EPHA2: variants seen among roughly 807,000 people sequenced by gnomAD.
EPHA2 encodes ephrin type-A receptor 2.
A neutral mutation model predicts 104.9 loss-of-function variants in EPHA2; 54 were observed. The ratio of observed to expected loss-of-function variants is 0.51; its 90% CI spans 0.41 to 0.65. EPHA2 has a LOEUF of 0.65. Among genes scored for constraint, EPHA2 ranks in the 30% least tolerant of loss-of-function variants. The probability of loss-of-function intolerance (pLI) is 0.00; values close to 1 mark genes in which losing one functional copy is unlikely to be tolerated. For synonymous variants in EPHA2, 560 were observed against 559.1 expected (o/e 1.00, Z -0.02); for missense variants, 1,117 against 1,369.5 (o/e 0.82, Z 2.91).
intron 1 of EPHA2, among the ~76,000 whole-genome samples, chr1:16,151,799 G>A (rs1012373714): frequency 6.6e-6 from 1 of 152,180 alleles, no homozygotes; most frequent in African/African-American, 2.4e-5. Flanking sequence ...CCCTTGTAGG[G>A]GACATTCTAG....
chr1:16,143,541 G>T (rs955235221), intron 3 of EPHA2, among the ~76,000 whole-genome samples: 12 of 152,092 alleles, frequency 7.9e-5, no homozygotes, highest in Non-Finnish European at 1.8e-4. Flanking sequence ...CTATACCCTG[G>T]TTTTTCCAGT....
rs763716873 is a variant in EPHA2, at chr1:16,129,453, C to T, written c.2806G>A (p.Val936Met). 3 of 1,613,624 alleles carry T rather than the reference C, an allele frequency of 1.9e-6. No homozygotes were observed. The highest frequency in any genetic ancestry group is 2.2e-5 in the South Asian group (2 of 91,078). The change falls in exon 16 of 17, where the codon GTG becomes ATG. Residue 936 changes from valine to methionine, a missense_variant. This residue lies in a region of EPHA2 where 340 missense variants were observed against 480.5 expected (regional missense o/e 0.71). Transcript: ENST00000358432. ...MAAGYTAIEKVVQMTNDDIKR... is the reference protein window; with the variant it reads ...MAAGYTAIEKMVQMTNDDIKR... ...ACTTACTCGTTGGTCATCTGCACCA[C>T]CTTCTCGATGGCAGTGTAGCCGGCC... is the stretch of plus-strand genomic sequence containing the variant.
chr1:16,154,192 G>A (rs531691012), intron 1 of EPHA2, among the ~76,000 whole-genome samples: 1 of 152,204 alleles, frequency 6.6e-6, no homozygotes, highest in South Asian at 2.1e-4. Flanking sequence ...GATTCCAGCT[G>A]TCTCTCCCCT....
intron 3 of EPHA2, among the ~76,000 whole-genome samples, chr1:16,142,109 A>G (rs1489682392): frequency 6.6e-6 from 1 of 152,188 alleles, no homozygotes; most frequent in Non-Finnish European, 1.5e-5. Context: ...ACTGTTCCTT[A>G]GCCAACCAGC....
At position 16,138,163 on chromosome 1, in the gene EPHA2, G is replaced by A. The variant is rs2124227830; in HGVS notation, c.1002C>T (p.Tyr334=). ...PCTRPPSAPH[Y]LTAVGMGAKV... ...TGGCACCCATGCCCACGGCTGTGAG[G>A]TAGTGTGGGGCGGAGGGGGGTCCTG... The change falls in exon 5 of 17, where the codon TAC becomes TAT. Residue 334 remains tyrosine (Y), a synonymous_variant. Transcript: ENST00000358432. 2 of 1,609,338 alleles carry A rather than the reference G, an allele frequency of 1.2e-6. No homozygotes were observed. The highest frequency in any genetic ancestry group is 1.7e-6 in the Non-Finnish European group (2 of 1,179,930).
Position 16,133,211 on chromosome 1 carries a change from G to A in EPHA2, c.2022C>T (p.Asn674=), listed in dbSNP as rs752594090. Residue 674 remains asparagine, a synonymous_variant, in exon 11 of 17, where the codon AAC becomes AAT. Coordinates refer to ENST00000358432, the MANE Select transcript of EPHA2 (RefSeq NM_004431.5). Reference sequence around the variant, plus strand: ...AGATGACGCCCTCTAGGCGGATGATGTTGTGGTGGCTGAACTGGCCCATGA... The same window carrying A: ...AGATGACGCCCTCTAGGCGGATGATATTGTGGTGGCTGAACTGGCCCATGA... ...AGIMGQFSHH[N]IIRLEGVISK... is the part of the protein sequence containing the mutation. 1.7e-5 allele frequency: 28 copies of A among 1,613,672 alleles called. No homozygotes were observed. The highest frequency in any genetic ancestry group is 2.3e-5 in the Non-Finnish European group (27 of 1,179,908).
rs775244495 is a variant in EPHA2 at position 16,150,909 on chromosome 1, G to A, written c.140C>T (p.Pro47Leu). 41 of 1,613,940 alleles carry A rather than the reference G, an allele frequency of 2.5e-5. No individual in the cohort carries two copies. The highest frequency in any genetic ancestry group is 3.2e-5 in the Non-Finnish European group (38 of 1,180,018). Residue 47 changes from proline (P) to leucine (L), a missense_variant, in exon 2 of 17, where the codon CCG (proline) becomes CTG (leucine). By Grantham distance (98) the Pro-to-Leu change is moderately conservative. Transcript: ENST00000358432. This position sits in a 1 kb window ranked among gnomAD's most constrained non-coding sequence, Gnocchi z 4.8. ...AGGELGWLTH[P>L]YGKGWDLMQN... ...AGGCTTACATACCCCTTTGCCATAC[G>A]GGTGTGTGAGCCAGCCGAGCTCCCC...
rs1298494756 is a variant in EPHA2, at chr1:16,130,793, C to T, written c.2476-374G>A. Among the ~76,000 whole-genome samples the T allele has an allele frequency of 6.6e-6, 1 of 152,144 alleles. No individual in the cohort carries two copies. The highest frequency in any genetic ancestry group is 2.4e-5 in the African/African-American group (1 of 41,436). On this transcript the variant is annotated intron_variant, in intron 14 of 16. Transcript: ENST00000358432. This position sits in a 1 kb window ranked among gnomAD's most constrained non-coding sequence, Gnocchi z 4.5. ...TACAGGCACGTGCCAACACACTTGG[C>T]TAATTTTTTAATTTTTTGTAGAGAT...
At chr1:16,154,212 CCA>C (rs1209407391) in intron 1 of EPHA2, among the ~76,000 whole-genome samples, 2 of 152,126 alleles carry the variant, frequency 1.3e-5, no homozygotes, top group African/African-American at 2.4e-5. Flanking sequence ...TTCTCTCCAA[CCA>C]CAGTCCCCCA....
intron 16 of EPHA2, among the ~76,000 whole-genome samples, chr1:16,126,187 C>T (rs1440490045): frequency 1.3e-5 from 2 of 152,266 alleles, no homozygotes; most frequent in East Asian, 1.9e-4. Flanking sequence ...ACAGGGTACA[C>T]GCTCTCCTGG....
rs2124193223 is a variant in EPHA2 at position 16,129,549 on chromosome 1, C to T, written c.2710G>A (p.Val904Met). 6.2e-7 allele frequency: 1 copy of T among 1,612,902 alleles called. No individual in the cohort carries two copies. ...CACTCGGACACCGTGCGGAAGGGCA[C>T]CCCCTCCGAGCCGCTCGTGCTGGGG... is the stretch of plus-strand genomic sequence containing the variant. ...RLPSTSGSEG[V>M]PFRTVSEWLE... The change falls in exon 16 of 17, where the codon GTG becomes ATG. Residue 904 changes from valine to methionine, a missense_variant. Val to Met is a conservative substitution (Grantham distance 21). Coordinates refer to ENST00000358432, the MANE Select transcript of EPHA2 (RefSeq NM_004431.5).
chr1:16,152,634 C>T (rs1383675932), intron 1 of EPHA2, among the ~76,000 whole-genome samples: 2 of 152,180 alleles, frequency 1.3e-5, no homozygotes, highest in Admixed American at 1.3e-4. Context: ...CTCCTGATTT[C>T]AGCTGGGTGG....
chr1:16,138,431 C>T lies in EPHA2; in HGVS notation c.824-1G>A. ...AACTTAAAAAATCCAGGCGAGCAGGCTGGTGGACACAGGACAGACAGAGCA... is the reference window on the plus strand; with the variant it reads ...AACTTAAAAAATCCAGGCGAGCAGGTTGGTGGACACAGGACAGACAGAGCA... On this transcript the variant is annotated splice_acceptor_variant, in intron 3 of 16. Transcript: ENST00000358432. LOFTEE classifies it high-confidence loss of function. 6.2e-7 allele frequency: 1 copy of T among 1,613,590 alleles called. No individual in the cohort carries two copies. Among genetic ancestry groups the T allele is most frequent in the Non-Finnish European group, 8.5e-7 (1 of 1,180,030 alleles).
rs751025996 is a variant in EPHA2 at position 16,148,686 on chromosome 1, G to A, written c.515C>T (p.Pro172Leu). The A allele has an allele frequency of 6.6e-5, 106 of 1,611,516 alleles. No individual in the cohort carries two copies. The highest frequency in any genetic ancestry group is 4.2e-4 in the Admixed American group (25 of 60,006). ...KLNVEERSVG[P>L]LTRKGFYLAF... is the part of the protein sequence containing the mutation. ...CAGGTAGAAGCCTTTGCGGGTGAGC[G>A]GCCCCACGGAGCGCTCCTCCACGTT... The change falls in exon 3 of 17, where the codon CCG becomes CTG. Residue 172 changes from proline to leucine, a missense_variant. By Grantham distance (98) the Pro-to-Leu change is moderately conservative. Around this residue, in one of 3 missense-constraint regions of EPHA2, gnomAD observed 664 missense variants for 784.8 expected, o/e 0.85. Coordinates refer to ENST00000358432, the MANE Select transcript of EPHA2 (RefSeq NM_004431.5). The surrounding 1 kb of genome is among the most constrained non-coding windows in gnomAD (Gnocchi z 4.9).
At chr1:16,149,531 A>G (rs2024998475) in intron 2 of EPHA2, among the ~76,000 whole-genome samples, 1 of 152,210 alleles carries the variant, frequency 6.6e-6, no homozygotes, top group Non-Finnish European at 1.5e-5. Context: ...CAAACGCAGG[A>G]GTGGCATTAA....
chr1:16,145,140 C>T (rs570410865), intron 3 of EPHA2, among the ~76,000 whole-genome samples: 6 of 152,352 alleles, frequency 3.9e-5, no homozygotes, highest in East Asian at 1.9e-4. Context: ...ACCTGACCAG[C>T]GGTCCCCAGG....
chr1:16,133,718 G>A, intron 9 of EPHA2, 112 bp from the exon 10 acceptor site: 1 of 1,538,734 alleles, frequency 6.5e-7, no homozygotes, highest in Non-Finnish European at 8.8e-7. Flanking sequence ...CCAGGCTGTG[G>A]GGGACGGACC....
chr1:16,132,467 G>C, intron 11 of EPHA2, 28 bp from the exon 12 acceptor site: 1 of 1,612,872 alleles, frequency 6.2e-7, no homozygotes, highest in Non-Finnish European at 8.5e-7. Context: ...CAGGTGAGAG[G>C]TAAGTGGGCC....
intron 3 of EPHA2, among the ~76,000 whole-genome samples, chr1:16,143,502 G>A (rs1367434351): frequency 6.6e-6 from 1 of 152,088 alleles, no homozygotes; most frequent in East Asian, 1.9e-4. Context: ...CCGAGCAGGG[G>A]AACTGGGGCA....
Sources: allele counts gnomAD v4.1 joint callset (sites outside exome capture counted in the v4.1 genomes callset), GRCh38; gene constraint gnomAD v4.1.1; regional missense constraint gnomAD v4.1.1; non-coding constraint Gnocchi (gnomAD v3.1); transcripts MANE v1.5; gene names NCBI Gene and HGNC (gene_info 2026-07-23, HGNC 2026-07-21).